Variants in CASK observed in about 807,000 individuals in gnomAD.
CASK encodes the protein peripheral plasma membrane protein CASK.
CASK carries 4 observed loss-of-function variants against 82.9 expected under a neutral mutation model. The ratio of observed to expected loss-of-function variants is 0.05; its 90% CI spans 0.02 to 0.11. CASK has a LOEUF of 0.11. Among genes scored for constraint, CASK ranks in the 10% least tolerant of loss-of-function variants. CASK has a pLI of 1.00. For synonymous variants in CASK, 259 were observed against 253.5 expected, an observed-to-expected ratio of 1.02 and a Z score of -0.20; for missense variants, 358 against 720.9, an observed-to-expected ratio of 0.50 and a Z score of 5.76.
intron 1 of CASK, among the ~76,000 whole-genome samples, chrX:41,865,414 T>C (rs1170260095): frequency 9.0e-6 from 1 of 111,710 alleles, no homozygotes. Flanking sequence ...GAAATGCTCT[T>C]GGCTCTACTT....
intron 15 of CASK, among the ~76,000 whole-genome samples, chrX:41,569,969 ATAATGCTTT>A (rs1416239954): frequency 6.5e-5 from 7 of 107,501 alleles, no homozygotes; most frequent in African/African-American, 2.0e-4. Flanking sequence ...TATATTTTAT[ATAATGCTTT>A]TAACACACTA....
At chrX:41,818,145 C>CTGTGTG (rs59931187) in intron 2 of CASK, among the ~76,000 whole-genome samples, 1,723 of 85,389 alleles carry the variant, frequency 0.02, 17 homozygotes, top group Non-Finnish European at 0.023. Context: ...AGGAGGCCTT[C>CTGTGTG]TGTGTGTGTG....
intron 2 of CASK, among the ~76,000 whole-genome samples, chrX:41,812,131 C>T (rs915139358): frequency 9.0e-6 from 1 of 111,564 alleles, no homozygotes; most frequent in Non-Finnish European, 1.9e-5. Flanking sequence ...CAGGACCCGA[C>T]AGATTCACAG....
chrX:41,739,345 C>A, intron 5 of CASK, 39 bp downstream of exon 5: 3 of 828,795 alleles, frequency 3.6e-6, no homozygotes, highest in South Asian at 2.1e-5. Flanking sequence ...ATCAGTATTT[C>A]TTCACAAACA....
At chrX:41,867,386 T>C (rs2071611400) in intron 1 of CASK, among the ~76,000 whole-genome samples, 1 of 112,383 alleles carries the variant, frequency 8.9e-6, no homozygotes, top group South Asian at 3.7e-4. Context: ...TTAGCATAGT[T>C]ACATTTAAGT....
At chrX:41,625,182 AT>A (rs1300997872) in intron 10 of CASK, among the ~76,000 whole-genome samples, 367 of 94,905 alleles carry the variant, frequency 3.9e-3, no homozygotes, top group African/African-American at 0.012. Flanking sequence ...TTATCTCTTA[AT>A]TTTTTTTTTT....
intron 1 of CASK, among the ~76,000 whole-genome samples, chrX:41,910,038 A>G (rs767135333): frequency 5.4e-5 from 6 of 111,734 alleles, no homozygotes; most frequent in Non-Finnish European, 1.1e-4. Context: ...CCTGGCCAAC[A>G]TGGCAAAACC....
intron 8 of CASK, among the ~76,000 whole-genome samples, chrX:41,638,184 A>G (rs1020254181): frequency 8.9e-6 from 1 of 111,763 alleles, no homozygotes; most frequent in African/African-American, 3.3e-5. Context: ...AACACAAAAA[A>G]GGTAAATTGT....
chrX:41,879,246 A>C (rs1308468467), intron 1 of CASK, among the ~76,000 whole-genome samples: 1 of 111,491 alleles, frequency 9.0e-6, no homozygotes, highest in Non-Finnish European at 1.9e-5. Flanking sequence ...AGAGTACAGC[A>C]GTCCCCTACC....
intron 8 of CASK, among the ~76,000 whole-genome samples, chrX:41,652,207 G>A (rs750638809): frequency 5.5e-4 from 61 of 111,060 alleles, no homozygotes; most frequent in Non-Finnish European, 8.5e-4. Flanking sequence ...GATGGGAATG[G>A]AGTAAGCAGG....
intron 12 of CASK, among the ~76,000 whole-genome samples, chrX:41,593,011 C>T (rs2065769590): frequency 8.9e-6 from 1 of 111,829 alleles, no homozygotes; most frequent in African/African-American, 3.3e-5. Flanking sequence ...TTGGTCTGGT[C>T]TGATCCAGTT....
chrX:41,621,034 C>T (rs1482809187), intron 11 of CASK, among the ~76,000 whole-genome samples: 3 of 110,791 alleles, frequency 2.7e-5, no homozygotes, highest in African/African-American at 9.9e-5. Context: ...ATTAAGTACC[C>T]ACTCGTGTAA....
At chrX:41,799,408 C>T (rs755503998) in intron 2 of CASK, among the ~76,000 whole-genome samples, 6 of 110,760 alleles carry the variant, frequency 5.4e-5, no homozygotes, top group South Asian at 3.9e-4. Context: ...GGTGTGGTGG[C>T]GTGCGCCTGT....
chrX:41,923,279 C>A lies in CASK; in HGVS notation c.-291G>T, dbSNP rs1042684761. The A allele has an allele frequency of 3.7e-5, 4 of 107,112 alleles. No individual in the cohort carries two copies. Among genetic ancestry groups the A allele is most frequent in the African/African-American group, 1.3e-4 (4 of 30,102 alleles). The allele number at this position is 107,112 out of a possible 1,213,427, so 8.8% of individuals were successfully genotyped here. A position where few individuals can be genotyped will look rare whatever the true frequency, so the allele number is the denominator to read the frequency against. Reference sequence around the variant, plus strand: ...GCGCTGCTCGGGCCGCGCTGCCCGGCGTGCGGATCCTCGGGGACCGCGCGG... The same window carrying A: ...GCGCTGCTCGGGCCGCGCTGCCCGGAGTGCGGATCCTCGGGGACCGCGCGG... On this transcript the variant is annotated 5_prime_UTR_variant, in exon 1 of 27. Transcript: ENST00000378163.
In CASK at chrX:41,531,223, T is replaced by A; in HGVS notation, c.2318-14A>T. The A allele has an allele frequency of 2.5e-6, 3 of 1,180,879 alleles. No homozygotes were observed. In the South Asian group the frequency reaches 5.3e-5, roughly 21 times the overall value. ...GTCTGGTTGTATCTGCAAAGTCGCA[T>A]GGCACAAGAGGTTTAAAAGGCTGAG... On this transcript the variant is annotated splice_polypyrimidine_tract_variant and intron_variant, in intron 24 of 26. Transcript: ENST00000378163.
chrX:41,561,420 G>A, intron 17 of CASK, 139 bp downstream of exon 17: 2 of 496,649 alleles, frequency 4.0e-6, no homozygotes, highest in East Asian at 7.5e-5. Context: ...TTTTATGAAT[G>A]TTATATAAGT....
At chrX:41,917,705 T>A (rs1481085953) in intron 1 of CASK, among the ~76,000 whole-genome samples, 1 of 112,167 alleles carries the variant, frequency 8.9e-6, no homozygotes, top group African/African-American at 3.2e-5. Flanking sequence ...GAAGTATTTA[T>A]GAAGACAACT....
chrX:41,580,683 T>C (rs1418717764), intron 14 of CASK, among the ~76,000 whole-genome samples: 1 of 111,515 alleles, frequency 9.0e-6, no homozygotes, highest in African/African-American at 3.3e-5. Flanking sequence ...CTCTAATTCA[T>C]ATCCAAACAG....
In CASK at chrX:41,531,293, C is replaced by T. The variant is rs770949412; in HGVS notation, c.2318-84G>A. On this transcript the variant is annotated intron_variant, in intron 24 of 26. Coordinates refer to ENST00000378163, the MANE Select transcript of CASK (RefSeq NM_001367721.1). ...CCCAACAGATTTACTCAAACCCAGT[C>T]TCTTCCTAAAAGCTGTGGATTCTTT... is the stretch of plus-strand genomic sequence containing the variant. The T allele has an allele frequency of 1.3e-5, 10 of 769,037 alleles. No individual in the cohort carries two copies. The African/African-American group carries it at 2.0e-4, about 16-fold the overall frequency. The allele number at this position is 769,037 out of a possible 1,213,427, so 63.4% of individuals were successfully genotyped here. A position where few individuals can be genotyped will look rare whatever the true frequency, so the allele number is the denominator to read the frequency against.
Sources: gnomAD v4.1 joint callset for allele counts (sites outside exome capture counted in the v4.1 genomes callset) on GRCh38, gnomAD v4.1.1 for gene constraint, MANE v1.5 for transcripts, NCBI Gene and HGNC (gene_info 2026-07-23, HGNC 2026-07-21) for gene names.